TJP2: variants seen among roughly 807,000 people sequenced by gnomAD.
The protein encoded by TJP2 is Friedreich ataxia region gene X104 (tight junction protein ZO-2).
TJP2 carries 91 observed loss-of-function variants against 133.1 expected under a neutral mutation model. That is an observed-to-expected ratio of 0.68 (90% confidence interval 0.58 to 0.81). The LOEUF is 0.81. Ranked by LOEUF, TJP2 falls within the 40% of genes least tolerant of loss-of-function variation. The probability of loss-of-function intolerance (pLI) is 0.00; values close to 1 mark genes in which losing one functional copy is unlikely to be tolerated. For missense variants in TJP2, 1,541 were observed against 1,565.6 expected, an observed-to-expected ratio of 0.98 and a Z score of 0.26; for synonymous variants, 592 against 583.4, an observed-to-expected ratio of 1.01 and a Z score of -0.21.
chr9:69,161,203 G>T (rs1824050347), intron 2 of TJP2, among the ~76,000 whole-genome samples: 3 of 149,486 alleles, frequency 2.0e-5, no homozygotes, highest in Admixed American at 6.6e-5. Flanking sequence ...AATAGCTGTA[G>T]GTCATCAGTG....
chr9:69,204,878 T>G (rs561386545), intron 1 of TJP2: 301 of 1,194,410 alleles, frequency 2.5e-4, no homozygotes, highest in Non-Finnish European at 3.0e-4. Flanking sequence ...AAAAGAAATA[T>G]CTACTCGGAT....
chr9:69,175,362 G>A, intron 1 of TJP2, among the ~76,000 whole-genome samples: 1 of 152,186 alleles, frequency 6.6e-6, no homozygotes, highest in East Asian at 1.9e-4. Flanking sequence ...GAGGGAGGTC[G>A]TTTTCTTCAG....
chr9:69,249,398 G>A lies in TJP2; in HGVS notation c.2904G>A (p.Glu968=). 2 of 1,611,230 alleles carry A rather than the reference G, an allele frequency of 1.2e-6. No homozygotes were observed. Among genetic ancestry groups the A allele is most frequent in the East Asian group, 4.5e-5 (2 of 44,820 alleles). The change falls in exon 20 of 23, where the codon GAG becomes GAA. Residue 968 remains glutamate, a synonymous_variant. Coordinates refer to ENST00000377245, the MANE Select transcript of TJP2 (RefSeq NM_004817.4). ...AGAGCATAAGGAAACCCAGCCCAGA[G>A]CCACGAGCTCAGATGAGGAGGGCTG... ...HEESIRKPSP[E]PRAQMRRAAS...
chr9:69,198,965 CA>C (rs1452367823), intron 1 of TJP2, among the ~76,000 whole-genome samples: 1 of 152,186 alleles, frequency 6.6e-6, no homozygotes, highest in Non-Finnish European at 1.5e-5. Flanking sequence ...TTTGGAAGAA[CA>C]AGAGTTGAAC....
In TJP2 at chr9:69,209,435, G is replaced by A. The variant is rs1291325138; in HGVS notation, c.61-3113G>A. Among the ~76,000 whole-genome samples, 3 of 150,912 alleles carry A rather than the reference G, an allele frequency of 2.0e-5. No homozygotes were observed. In the South Asian group the frequency reaches 6.6e-4, roughly 33 times the overall value. On this transcript the variant is annotated intron_variant, in intron 1 of 22. Transcript: ENST00000377245. ...AGGCGTGAACCATCACGCCCGACCCGGTTTCTGCTTTCTGTTTCCATTTAA... is the reference window on the plus strand; with the variant it reads ...AGGCGTGAACCATCACGCCCGACCCAGTTTCTGCTTTCTGTTTCCATTTAA...
chr9:69,234,309 G>A (rs143749310), intron 11 of TJP2, 130 bp from the exon 12 acceptor site: 3 of 748,826 alleles, frequency 4.0e-6, no homozygotes, highest in Admixed American at 2.9e-5. Context: ...CTTTGCTCTG[G>A]ACAGGCCCTG....
At chr9:69,220,473 T>C (rs1828733889) in intron 4 of TJP2, among the ~76,000 whole-genome samples, 1 of 152,254 alleles carries the variant, frequency 6.6e-6, no homozygotes, top group African/African-American at 2.4e-5. Flanking sequence ...ACATTAGGTC[T>C]TATTTCTTCT....
intron 22 of TJP2, chr9:69,253,428 A>G (rs76470738): frequency 6.8e-6 from 1 of 147,696 alleles, no homozygotes; most frequent in Non-Finnish European, 1.5e-5. Flanking sequence ...CCGAGAATAG[A>G]AAAAAAAAAG....
chr9:69,243,069 G>A (rs1830682082), intron 17 of TJP2, among the ~76,000 whole-genome samples: 1 of 152,086 alleles, frequency 6.6e-6, no homozygotes, highest in Non-Finnish European at 1.5e-5. Context: ...TACCCATGTT[G>A]CCCAAGCTGG....
At chr9:69,156,141 G>T (rs1316057661) in intron 2 of TJP2, among the ~76,000 whole-genome samples, 4 of 152,186 alleles carry the variant, frequency 2.6e-5, no homozygotes, top group Non-Finnish European at 4.4e-5. Context: ...CAGGCTGGAA[G>T]ATCGCTTGAG....
At chr9:69,218,646 G>T in intron 4 of TJP2, 1 of 419,854 alleles carries the variant, frequency 2.4e-6, no homozygotes, top group Non-Finnish European at 4.4e-6. Context: ...CAGAATACTG[G>T]TAAAATAGTA....
rs574516873 is a variant in TJP2, at chr9:69,156,484, A to G, written c.-10+4713A>G. On this transcript the variant is annotated intron_variant, in intron 2 of 5. Transcript: ENST00000423935. ...GTCAGAGTACAGCTTGCTTTTATAC[A>G]TTTTAGGGAGACATAATACATCAAT... is the stretch of plus-strand genomic sequence containing the variant. Among the ~76,000 whole-genome samples, 3 of 150,608 alleles carry G rather than the reference A, an allele frequency of 2.0e-5. No homozygotes were observed. In the South Asian group the frequency reaches 6.3e-4, roughly 31 times the overall value.
rs142847960 is a variant in TJP2 at position 69,216,436 on chromosome 9, C to A, written c.212C>A (p.Pro71Gln). The change falls in exon 3 of 23, where the codon CCG (proline) becomes CAG (glutamine). Residue 71 changes from proline (P) to glutamine (Q), a missense_variant. Physicochemically the swap from Pro to Gln is moderately conservative, Grantham distance 76. Transcript: ENST00000377245. ...ETSIVISDVL[P>Q]GGPADGLLQE... is the part of the protein sequence containing the mutation. ...TCAATTGTCATTTCTGATGTGCTCC[C>A]GGGTGGGCCTGCTGATGGGCTGCTC... 2.5e-6 allele frequency: 4 copies of A among 1,614,118 alleles called. No homozygotes were observed. Among genetic ancestry groups the A allele is most frequent in the African/African-American group, 1.3e-5 (1 of 75,028 alleles).
intron 3 of TJP2, among the ~76,000 whole-genome samples, chr9:69,217,734 TTAG>T (rs1292532810): frequency 2.6e-5 from 4 of 152,184 alleles, no homozygotes; most frequent in Non-Finnish European, 5.9e-5. Context: ...TTTATCAAAG[TTAG>T]TAGTCTTTCA....
chr9:69,234,367 GT>G lies in TJP2; in HGVS notation c.1672-66del. ...GTGGCATCTTACTATAAACTTCTCT[GT>G]TTTTTCTTTCTTTCTTTCTTTCTTT... On this transcript the variant is annotated intron_variant, in intron 11 of 22. Transcript: ENST00000377245. The G allele has an allele frequency of 2.5e-6, 3 of 1,206,448 alleles. No homozygotes were observed. In the South Asian group the frequency reaches 4.4e-5, roughly 18 times the overall value. The allele number at this position is 1,206,448 out of a possible 1,614,324, so 74.7% of individuals were successfully genotyped here.
chr9:69,131,294 C>T (rs865818004), intron 1 of TJP2, among the ~76,000 whole-genome samples: 4 of 152,068 alleles, frequency 2.6e-5, no homozygotes, highest in Middle Eastern at 3.2e-3. Context: ...TGATATAAGC[C>T]GATTCTGAGA....
rs1826472044 is a variant in TJP2 at position 69,195,272 on chromosome 9, G to A, written c.61-17276G>A. Among the ~76,000 whole-genome samples the A allele has an allele frequency of 2.6e-5, 4 of 152,108 alleles. No homozygotes were observed. The South Asian group carries it at 8.3e-4, about 32-fold the overall frequency. On this transcript the variant is annotated intron_variant, in intron 1 of 22. Transcript: ENST00000377245. ...AGGTTTAAAATTATAGGGTACACAGGGCTGTGCCTGTGTTGCCAAATTAGC... is the reference window on the plus strand; with the variant it reads ...AGGTTTAAAATTATAGGGTACACAGAGCTGTGCCTGTGTTGCCAAATTAGC...
Position 69,237,913 on chromosome 9 carries a change from A to G in TJP2, c.2215A>G (p.Ile739Val), listed in dbSNP as rs1403810631. ...GAGACCTGTGGTCTTATTCGGCCCCATAGCTGATATAGCAATGGAAAAATT... is the reference window on the plus strand; with the variant it reads ...GAGACCTGTGGTCTTATTCGGCCCCGTAGCTGATATAGCAATGGAAAAATT... Reference protein sequence around the residue: ...FKRPVVLFGPIADIAMEKLAN... With the variant: ...FKRPVVLFGPVADIAMEKLAN... Residue 739 changes from isoleucine to valine, a missense_variant, in exon 15 of 23, where the codon ATA becomes GTA. Transcript: ENST00000377245. 1 of 1,613,880 alleles carries G rather than the reference A, an allele frequency of 6.2e-7. No homozygotes were observed. The highest frequency in any genetic ancestry group is 1.3e-5 in the African/African-American group (1 of 74,912).
intron 12 of TJP2, 50 bp downstream of exon 12, chr9:69,234,597 G>T: frequency 9.6e-7 from 1 of 1,036,624 alleles, no homozygotes. Flanking sequence ...TGGGGAGTGG[G>T]AAGGATGAGA....
Sources: gnomAD v4.1 joint callset for allele counts (sites outside exome capture counted in the v4.1 genomes callset) on GRCh38, gnomAD v4.1.1 for gene constraint, MANE v1.5 for transcripts, NCBI Gene and HGNC (gene_info 2026-07-23, HGNC 2026-07-21) for gene names.